PRLR: variants seen among roughly 807,000 people sequenced by gnomAD.
PRLR encodes prolactin receptor, also known as hPRL receptor.
A neutral mutation model predicts 40.2 loss-of-function variants in PRLR; 13 were observed. That is an observed-to-expected ratio of 0.32 (90% CI 0.21 to 0.51). The LOEUF (loss-of-function observed/expected upper bound fraction) is 0.51. PRLR is among the 20% of genes least tolerant of loss of function. PRLR has a pLI of 0.97. For missense variants in PRLR, 656 were observed against 747.3 expected, an observed-to-expected ratio of 0.88 and a Z score of 1.42; for synonymous variants, 269 against 278.7, an observed-to-expected ratio of 0.97 and a Z score of 0.35.
At chr5:35,091,002 C>T (rs1462201287) in intron 2 of PRLR, among the ~76,000 whole-genome samples, 2 of 151,394 alleles carry the variant, frequency 1.3e-5, no homozygotes, top group African/African-American at 4.9e-5. Context: ...TTAGTAGAGA[C>T]GGGGTTTCAC....
intron 1 of PRLR, among the ~76,000 whole-genome samples, chr5:35,119,386 T>TCACACACACA (rs58727265): frequency 4.1e-5 from 6 of 145,660 alleles, no homozygotes; most frequent in African/African-American, 1.3e-4. Flanking sequence ...TCTCTCTCTC[T>TCACACACACA]CACACACACA....
rs1770391626 is a variant in PRLR, at chr5:35,079,976, G to T, written c.373+4494C>A. Among the ~76,000 whole-genome samples, 6 of 152,158 alleles carry T rather than the reference G, an allele frequency of 3.9e-5. No homozygotes were observed. In the South Asian group the frequency reaches 1.2e-3, roughly 32 times the overall value. On this transcript the variant is annotated intron_variant, in intron 5 of 9. Transcript: ENST00000618457. ...TTAATAAATGGTGCTGGGAAAACTGGCTAGCCATATGTAGAAAGCTGAAAC... is the reference window on the plus strand; with the variant it reads ...TTAATAAATGGTGCTGGGAAAACTGTCTAGCCATATGTAGAAAGCTGAAAC...
At chr5:35,162,606 G>T (rs1579750107) in intron 1 of PRLR, among the ~76,000 whole-genome samples, 1 of 152,210 alleles carries the variant, frequency 6.6e-6, no homozygotes, top group Non-Finnish European at 1.5e-5. Context: ...CAGAATGCAA[G>T]CCTTCTCCAA....
chr5:35,209,403 A>T (rs4703510), intron 1 of PRLR, among the ~76,000 whole-genome samples: 115,862 of 151,962 alleles, frequency 0.76, 44,984 homozygotes, highest in Non-Finnish European at 0.83. Flanking sequence ...AAATGACTAC[A>T]TTTTTTCTGG....
chr5:35,222,713 T>TCC (rs1776454703), intron 1 of PRLR, among the ~76,000 whole-genome samples: 1 of 152,150 alleles, frequency 6.6e-6, no homozygotes, highest in South Asian at 2.1e-4. Flanking sequence ...GTGGGTAGAC[T>TCC]CACTTTGGGA....
intron 1 of PRLR, among the ~76,000 whole-genome samples, chr5:35,138,006 A>C (rs1773910492): frequency 6.6e-6 from 1 of 152,242 alleles, no homozygotes; most frequent in South Asian, 2.1e-4. Flanking sequence ...TGAAATAGCC[A>C]TTTGTTCTTA....
Position 35,072,657 on chromosome 5 carries a change from G to A in PRLR, c.461C>T (p.Pro154Leu). 1 of 1,614,154 alleles carries A rather than the reference G, an allele frequency of 6.2e-7. No individual in the cohort carries two copies. The highest frequency in any genetic ancestry group is 8.5e-7 in the Non-Finnish European group (1 of 1,179,996). ...KPYLWIKWSP[P>L]TLIDLKTGWF... Reference sequence around the variant, plus strand: ...ACCAGTTTTTAAGTCAATCAGGGTAGGTGGAGACCATTTAATCCACAGGTA... The same window carrying A: ...ACCAGTTTTTAAGTCAATCAGGGTAAGTGGAGACCATTTAATCCACAGGTA... The change falls in exon 6 of 10, where the codon CCT (proline) becomes CTT (leucine). Residue 154 changes from proline (P) to leucine (L), a missense_variant. Pro to Leu is a moderately conservative substitution (Grantham distance 98). Transcript: ENST00000618457.
At chr5:35,143,897 AAAAC>A (rs1398516198) in intron 1 of PRLR, among the ~76,000 whole-genome samples, 2 of 127,066 alleles carry the variant, frequency 1.6e-5, no homozygotes, top group African/African-American at 5.8e-5. Flanking sequence ...GAGTATGACA[AAAAC>A]AAACAAAATT....
chr5:35,165,661 G>A (rs1450344629), intron 1 of PRLR, among the ~76,000 whole-genome samples: 1 of 152,278 alleles, frequency 6.6e-6, no homozygotes, highest in African/African-American at 2.4e-5. Context: ...ACAGTAGTAC[G>A]ATCTTACCTT....
At chr5:35,077,542 A>G (rs1770193430) in intron 5 of PRLR, among the ~76,000 whole-genome samples, 1 of 151,846 alleles carries the variant, frequency 6.6e-6, no homozygotes, top group Non-Finnish European at 1.5e-5. Flanking sequence ...AGGAGCACCC[A>G]GATTCATAAA....
Position 35,100,844 on chromosome 5 carries a change from C to G in PRLR, c.-43-11181G>C, listed in dbSNP as rs77432958. 3.7e-3 allele frequency among the ~76,000 whole-genome samples: 567 copies of G among 152,310 alleles called. 3 individuals are homozygous for G. Among genetic ancestry groups the G allele is most frequent in the African/African-American group, 0.012 (490 of 41,566 alleles). The stretch of plus-strand genomic sequence containing the variant: ...ATTGAGGACTGTGAGGTCCTAAAAG[C>G]TCAGTACAGCCAACAGATGAAAGGC... On this transcript the variant is annotated intron_variant, in intron 2 of 9. Transcript: ENST00000618457.
chr5:35,153,518 G>C (rs1471070524), intron 1 of PRLR, among the ~76,000 whole-genome samples: 2 of 152,028 alleles, frequency 1.3e-5, no homozygotes, highest in African/African-American at 4.8e-5. Context: ...TTCCCTTCTG[G>C]GCTTTCGTCA....
At chr5:35,156,891 C>T (rs2111888325) in intron 1 of PRLR, among the ~76,000 whole-genome samples, 1 of 152,190 alleles carries the variant, frequency 6.6e-6, no homozygotes, top group African/African-American at 2.4e-5. Context: ...GGAAGAATTA[C>T]ACATGCTGGG....
Position 35,057,009 on chromosome 5 carries a change from C to T in PRLR, c.*8080G>A, listed in dbSNP as rs1479393218. 6.6e-6 allele frequency: 1 copy of T among 152,170 alleles called. No homozygotes were observed. The highest frequency in any genetic ancestry group is 1.5e-5 in the Non-Finnish European group (1 of 68,018). The allele number at this position is 152,170 out of a possible 1,614,324, so 9.4% of individuals were successfully genotyped here. A position where few individuals can be genotyped will look rare whatever the true frequency, so the allele number is the denominator to read the frequency against. On this transcript the variant is annotated 3_prime_UTR_variant, in exon 10 of 10. Transcript: ENST00000618457. ...TCCATTAAAAGATTATCCATTTACA[C>T]TTCATCTGATGGATTTTGTCAGAAA...
rs565243215 is a variant in PRLR, at chr5:35,058,585, T to G, written c.*6504A>C. 2 of 152,230 alleles carry G rather than the reference T, an allele frequency of 1.3e-5. No individual in the cohort carries two copies. The highest frequency in any genetic ancestry group is 6.5e-5 in the Admixed American group (1 of 15,288). 9.4% of individuals were successfully genotyped at this position (152,230 alleles called of 1,614,324 possible). ...CAAAGATTAGGAAAAAATTAGTACATTCACGCTTTCAACAGAAATACATTA... is the reference window on the plus strand; with the variant it reads ...CAAAGATTAGGAAAAAATTAGTACAGTCACGCTTTCAACAGAAATACATTA... On this transcript the variant is annotated 3_prime_UTR_variant, in exon 10 of 10. Coordinates refer to ENST00000618457, the MANE Select transcript of PRLR (RefSeq NM_000949.7).
At chr5:35,177,866 C>A (rs1775189723) in intron 1 of PRLR, among the ~76,000 whole-genome samples, 1 of 152,232 alleles carries the variant, frequency 6.6e-6, no homozygotes, top group East Asian at 1.9e-4. Context: ...TTATGTTCAA[C>A]CTTTTGAGGA....
intron 8 of PRLR, among the ~76,000 whole-genome samples, chr5:35,050,319 G>A (rs1003799099): frequency 6.6e-6 from 1 of 152,170 alleles, no homozygotes; most frequent in African/African-American, 2.4e-5. Flanking sequence ...TTCATTCTCA[G>A]CCTAGGAGTC....
intron 1 of PRLR, among the ~76,000 whole-genome samples, chr5:35,179,173 A>G (rs1775225096): frequency 6.6e-6 from 1 of 152,184 alleles, no homozygotes; most frequent in African/African-American, 2.4e-5. Context: ...TCCAGTTTTG[A>G]GAGAGAAAAA....
chr5:35,052,021 T>C (rs1446507992), downstream of PRLR, among the ~76,000 whole-genome samples: 4 of 152,196 alleles, frequency 2.6e-5, no homozygotes, highest in Non-Finnish European at 4.4e-5. Flanking sequence ...TTTAAATCTA[T>C]ATACGCCCAA....
Sources: allele counts gnomAD v4.1 joint callset (sites outside exome capture counted in the v4.1 genomes callset), GRCh38; gene constraint gnomAD v4.1.1; transcripts MANE v1.5; gene names NCBI Gene and HGNC (gene_info 2026-07-23, HGNC 2026-07-21).